The following GULP1 variants were observed in gnomAD, a reference collection of about 807,000 sequenced individuals.
GULP1 encodes PTB domain-containing engulfment adapter protein 1.
In GULP1, 19 loss-of-function variants were observed where a neutral mutation model predicts 40.9. The observed-to-expected ratio is 0.46, with a 90% confidence interval of 0.32 to 0.68. The LOEUF (loss-of-function observed/expected upper bound fraction) is 0.68. Among genes scored for constraint, GULP1 ranks in the 30% least tolerant of loss-of-function variants. The pLI is 0.03. For synonymous variants in GULP1, 119 were observed against 117.6 expected (o/e 1.01, Z -0.08); for missense variants, 312 against 362.2 (o/e 0.86, Z 1.12).
chr2:188,314,725 G>A (rs576797965), intron 1 of GULP1, among the ~76,000 whole-genome samples: 45 of 152,226 alleles, frequency 3.0e-4, no homozygotes, highest in African/African-American at 1.0e-3. Context: ...GTTTTCTGCA[G>A]TTCCAGTTAC....
At chr2:188,456,971 G>A (rs1286911848) in intron 2 of GULP1, among the ~76,000 whole-genome samples, 7 of 152,150 alleles carry the variant, frequency 4.6e-5, no homozygotes, top group Non-Finnish European at 4.4e-5. Flanking sequence ...TCCCCCACTG[G>A]ATTTTGGACT....
chr2:188,486,485 A>G (rs1023211854), intron 4 of GULP1, among the ~76,000 whole-genome samples: 8 of 151,986 alleles, frequency 5.3e-5, no homozygotes, highest in African/African-American at 1.4e-4. Context: ...TAACAGAACT[A>G]CTTAAGAATT....
At chr2:188,314,268 T>G (rs2038697691) in intron 1 of GULP1, among the ~76,000 whole-genome samples, 1 of 152,190 alleles carries the variant, frequency 6.6e-6, no homozygotes, top group Admixed American at 6.5e-5. Context: ...ATACTAGTAG[T>G]ACAGTAGGGG....
At chr2:188,487,567 C>T (rs1307398522) in intron 4 of GULP1, among the ~76,000 whole-genome samples, 1 of 151,904 alleles carries the variant, frequency 6.6e-6, no homozygotes, top group African/African-American at 2.4e-5. Context: ...AAGAAAAGTA[C>T]ATAATGATAA....
At chr2:188,424,412 A>T (rs1278613982) in intron 2 of GULP1, among the ~76,000 whole-genome samples, 1 of 151,928 alleles carries the variant, frequency 6.6e-6, no homozygotes, top group African/African-American at 2.4e-5. Context: ...ATTTCAATGC[A>T]TGATCATTCT....
At chr2:188,375,778 G>A (rs2048213010) in intron 1 of GULP1, among the ~76,000 whole-genome samples, 2 of 152,040 alleles carry the variant, frequency 1.3e-5, no homozygotes, top group African/African-American at 4.8e-5. Context: ...AAGAAGGAAG[G>A]CAGGGGCTTA....
At chr2:188,483,272 A>C (rs1230861094) in intron 3 of GULP1, among the ~76,000 whole-genome samples, 159 bp from the exon 4 acceptor site, 2 of 152,034 alleles carry the variant, frequency 1.3e-5, no homozygotes, top group African/African-American at 4.8e-5. Flanking sequence ...TCACGCCCCA[A>C]CTAAATTGTT....
chr2:188,477,939 G>T (rs992028107), intron 3 of GULP1, among the ~76,000 whole-genome samples: 1 of 152,104 alleles, frequency 6.6e-6, no homozygotes, highest in South Asian at 2.1e-4. Context: ...ATTACACTGA[G>T]TTCACAATAC....
chr2:188,536,626 A>C (rs1055154626), intron 6 of GULP1, among the ~76,000 whole-genome samples: 1 of 152,066 alleles, frequency 6.6e-6, no homozygotes, highest in African/African-American at 2.4e-5. Flanking sequence ...TGATGCCTCC[A>C]GATTTATTCT....
intron 2 of GULP1, among the ~76,000 whole-genome samples, chr2:188,461,157 A>T (rs1031365804): frequency 6.6e-6 from 1 of 152,028 alleles, no homozygotes; most frequent in East Asian, 1.9e-4. Context: ...TGTTATCAGG[A>T]TAATCCTGGC....
intron 2 of GULP1, among the ~76,000 whole-genome samples, chr2:188,402,736 T>C (rs2052489398): frequency 6.6e-6 from 1 of 152,038 alleles, no homozygotes; most frequent in Non-Finnish European, 1.5e-5. Flanking sequence ...TTCCCCCTTC[T>C]AGAGTGGAAT....
intron 1 of GULP1, among the ~76,000 whole-genome samples, chr2:188,346,487 CTTTCT>C (rs1271846997): frequency 1.3e-5 from 2 of 150,356 alleles, no homozygotes; most frequent in Non-Finnish European, 3.0e-5. Context: ...CTTTTTTTTT[CTTTCT>C]TTTCTTCTTT....
intron 1 of GULP1, among the ~76,000 whole-genome samples, chr2:188,333,846 T>C (rs1002776542): frequency 1.3e-5 from 2 of 152,138 alleles, no homozygotes; most frequent in Non-Finnish European, 2.9e-5. Context: ...AGTTCGGATG[T>C]GATCACTCAT....
chr2:188,475,118 A>G (rs2060903361), intron 2 of GULP1, among the ~76,000 whole-genome samples: 1 of 152,188 alleles, frequency 6.6e-6, no homozygotes, highest in South Asian at 2.1e-4. Context: ...CAAAGTAGCT[A>G]GTATCTACAT....
At chr2:188,579,209 G>T (rs957388218) in intron 9 of GULP1, among the ~76,000 whole-genome samples, 3 of 152,050 alleles carry the variant, frequency 2.0e-5, no homozygotes, top group Non-Finnish European at 4.4e-5. Context: ...AGTGTGAAAT[G>T]GGCATATGGT....
In GULP1 at chr2:188,529,152, A is replaced by G. The variant is rs1164275369; in HGVS notation, c.218A>G (p.Gln73Arg). The G allele has an allele frequency of 1.3e-6, 2 of 1,590,418 alleles. No individual in the cohort carries two copies. The highest frequency in any genetic ancestry group is 1.7e-6 in the Non-Finnish European group (2 of 1,163,578). The change falls in exon 6 of 12, where the codon CAA becomes CGA. Residue 73 changes from glutamine (Q) to arginine (R), a missense_variant. Transcript: ENST00000409830. Reference protein sequence around the residue: ...EGQKIPKVELQISIYGVKILE... With the variant: ...EGQKIPKVELRISIYGVKILE... ...CAGAAAATTCCTAAAGTGGAGTTGCAAATATCAATTTATGGAGTAAAAATT... is the reference window on the plus strand; with the variant it reads ...CAGAAAATTCCTAAAGTGGAGTTGCGAATATCAATTTATGGAGTAAAAATT...
chr2:188,312,877 G>C (rs999894694), intron 1 of GULP1, among the ~76,000 whole-genome samples: 1 of 152,106 alleles, frequency 6.6e-6, no homozygotes, highest in Admixed American at 6.6e-5. Flanking sequence ...CGGTGATGTT[G>C]AGCTTTTTTT....
chr2:188,341,806 T>C (rs1165881401), intron 1 of GULP1, among the ~76,000 whole-genome samples: 2 of 152,132 alleles, frequency 1.3e-5, no homozygotes, highest in Non-Finnish European at 2.9e-5. Flanking sequence ...AAATTATGGC[T>C]CAGAGAGGTT....
chr2:188,552,913 A>C (rs1201788237), intron 7 of GULP1, among the ~76,000 whole-genome samples: 11 of 150,292 alleles, frequency 7.3e-5, no homozygotes, highest in South Asian at 2.1e-4. Flanking sequence ...CTCTCTCTAT[A>C]TATATACGTA....
Sources: allele counts gnomAD v4.1 joint callset (sites outside exome capture counted in the v4.1 genomes callset), GRCh38; gene constraint gnomAD v4.1.1; transcripts MANE v1.5; gene names NCBI Gene and HGNC (gene_info 2026-07-23, HGNC 2026-07-21).